ATOSB: variants seen among roughly 807,000 people sequenced by gnomAD.
ATOSB encodes atos homolog protein B.
At chr9:35,108,712 G>GTGCA in the ATOSB span, 1 of 995,674 alleles carries the variant, frequency 1.0e-6, no homozygotes, top group Non-Finnish European at 1.2e-6. Context: ...CCACCATTCC[G>GTGCA]TGCAGCTCCT....
the ATOSB span, chr9:35,106,667 G>C: frequency 1.3e-6 from 2 of 1,528,482 alleles, no homozygotes; most frequent in Non-Finnish European, 1.8e-6. The surrounding 1 kb of genome is among the most constrained non-coding windows in gnomAD (Gnocchi z 4.6). Flanking sequence ...GGAAACACAG[G>C]GGGTTGGCTT....
chr9:35,104,612 C>T, the ATOSB span: 2 of 429,110 alleles, frequency 4.7e-6, no homozygotes, highest in Admixed American at 2.7e-5. Context: ...ACTTGGCTTT[C>T]AGAGATAGGT....
chr9:35,105,626 C>G, the ATOSB span: 1 of 1,566,438 alleles, frequency 6.4e-7, no homozygotes, highest in Admixed American at 1.8e-5. The surrounding 1 kb of genome is among the most constrained non-coding windows in gnomAD (Gnocchi z 5.5). Context: ...AGGAGAGATC[C>G]TCTTCAGGGA....
chr9:35,115,916 C>G, the ATOSB span: 1 of 152,458 alleles, frequency 6.6e-6, no homozygotes, highest in African/African-American at 2.4e-5. Flanking sequence ...CAGTCTGAGC[C>G]CCGCCCCCGC....
At chr9:35,114,888 G>A in the ATOSB span, among the ~76,000 whole-genome samples, 10 of 152,326 alleles carry the variant, frequency 6.6e-5, no homozygotes, top group East Asian at 7.7e-4. Context: ...GTAGTGGTGG[G>A]GGTGGGGTCT....
the ATOSB span, chr9:35,105,745 G>T: frequency 6.2e-7 from 1 of 1,614,088 alleles, no homozygotes; most frequent in Non-Finnish European, 8.5e-7. The surrounding 1 kb of genome is among the most constrained non-coding windows in gnomAD (Gnocchi z 5.5). Context: ...CTCACCCACA[G>T]GCACCAAAAA....
the ATOSB span, chr9:35,107,354 A>C: frequency 1.3e-6 from 2 of 1,516,120 alleles, no homozygotes; most frequent in Non-Finnish European, 1.8e-6. Context: ...GTAAAAAAAG[A>C]GTAAATGAGG....
chr9:35,104,478 G>T, the ATOSB span: 1 of 188,908 alleles, frequency 5.3e-6, no homozygotes. Flanking sequence ...CAGGTAGGAG[G>T]AGAGGGACAA....
the ATOSB span, chr9:35,104,426 C>A: frequency 5.8e-6 from 1 of 172,714 alleles, no homozygotes; most frequent in Admixed American, 6.4e-5. Context: ...GACTCTGCCC[C>A]CTGGACACCT....
chr9:35,105,810 G>A, the ATOSB span: 1 of 1,614,010 alleles, frequency 6.2e-7, no homozygotes, highest in African/African-American at 1.3e-5. The surrounding 1 kb of genome is among the most constrained non-coding windows in gnomAD (Gnocchi z 5.5). Flanking sequence ...AGAAGTCAAA[G>A]GTCACAAGGA....
the ATOSB span, among the ~76,000 whole-genome samples, chr9:35,115,454 T>G: frequency 3.3e-5 from 5 of 151,718 alleles, no homozygotes; most frequent in Admixed American, 1.3e-4. Flanking sequence ...TACAACCCCT[T>G]CCCCTAGATA....
chr9:35,106,578 G>A, the ATOSB span: 2 of 1,571,126 alleles, frequency 1.3e-6, no homozygotes, highest in Non-Finnish European at 1.7e-6. This position sits in a 1 kb window ranked among gnomAD's most constrained non-coding sequence, Gnocchi z 4.6. Flanking sequence ...AGCAGGGGTA[G>A]GAACAGGGGA....
At chr9:35,105,747 C>T in the ATOSB span, 1 of 1,614,006 alleles carries the variant, frequency 6.2e-7, no homozygotes, top group Admixed American at 1.7e-5. This position sits in a 1 kb window ranked among gnomAD's most constrained non-coding sequence, Gnocchi z 5.5. Context: ...CACCCACAGG[C>T]ACCAAAAAGA....
At chr9:35,107,963 T>A in the ATOSB span, 2 of 1,604,836 alleles carry the variant, frequency 1.2e-6, no homozygotes, top group Admixed American at 3.4e-5. Flanking sequence ...CCGGTCCCTC[T>A]GGGCCTAAGA....
chr9:35,105,842 T>G, the ATOSB span: 1 of 1,614,104 alleles, frequency 6.2e-7, no homozygotes, highest in Non-Finnish European at 8.5e-7. This position sits in a 1 kb window ranked among gnomAD's most constrained non-coding sequence, Gnocchi z 5.5. Flanking sequence ...ACAGTCTGGT[T>G]GGGGTTAAAT....
At chr9:35,108,320 C>T in the ATOSB span, 2 of 1,490,136 alleles carry the variant, frequency 1.3e-6, no homozygotes, top group Non-Finnish European at 1.8e-6. Flanking sequence ...GGCCTTTATG[C>T]TGGGCCTGGG....
the ATOSB span, chr9:35,106,522 C>T: frequency 6.3e-7 from 1 of 1,586,450 alleles, no homozygotes. This position sits in a 1 kb window ranked among gnomAD's most constrained non-coding sequence, Gnocchi z 4.6. Context: ...CAATCACAAA[C>T]CCCAACGGGA....
At chr9:35,104,910 G>A in the ATOSB span, 1 of 260,934 alleles carries the variant, frequency 3.8e-6, no homozygotes. Flanking sequence ...CCCCTGCCCA[G>A]GACAGGGAGG....
At chr9:35,105,719 G>A in the ATOSB span, 1 of 1,614,038 alleles carries the variant, frequency 6.2e-7, no homozygotes, top group Non-Finnish European at 8.5e-7. This position sits in a 1 kb window ranked among gnomAD's most constrained non-coding sequence, Gnocchi z 5.5. Context: ...CGGTGGGTGG[G>A]GTTAGCATTT....
Sources: gnomAD v4.1 joint callset for allele counts (sites outside exome capture counted in the v4.1 genomes callset) on GRCh38, gnomAD v4.1.1 for gene constraint, Gnocchi (gnomAD v3.1) non-coding constraint, MANE v1.5 for transcripts, NCBI Gene and HGNC (gene_info 2026-07-23, HGNC 2026-07-21) for gene names.